ALKBH1: variants seen among roughly 807,000 people sequenced by gnomAD.
The protein encoded by ALKBH1 is alkB homolog 1, histone H2A dioxygenase.
In ALKBH1, 31 loss-of-function variants were observed where a neutral mutation model predicts 36.6. The ratio of observed to expected loss-of-function variants is 0.85; its 90% confidence interval spans 0.64 to 1.14. The LOEUF (loss-of-function observed/expected upper bound fraction) is 1.14, where lower values mean the gene tolerates loss of function less well. Ranked by LOEUF, ALKBH1 falls within the 50% of genes most tolerant of loss-of-function variation. ALKBH1 has a pLI of 0.00. For synonymous variants in ALKBH1, 183 were observed against 186.6 expected, an observed-to-expected ratio of 0.98 and a Z score of 0.16; for missense variants, 490 against 497.3, an observed-to-expected ratio of 0.99 and a Z score of 0.14.
chr14:77,683,577 C>T (rs965320732), intron 3 of ALKBH1: 10 of 483,812 alleles, frequency 2.1e-5, no homozygotes, highest in African/African-American at 1.4e-4. Flanking sequence ...CAACATCATC[C>T]TCCTTTTTTT....
intron 4 of ALKBH1, 108 bp from the exon 5 acceptor site, chr14:77,675,957 T>C: frequency 1.1e-6 from 1 of 903,130 alleles, no homozygotes; most frequent in South Asian, 1.7e-5. Context: ...AAAGTCATAT[T>C]AACATATTAA....
At chr14:77,695,823 G>A (rs2139860001) in intron 2 of ALKBH1, among the ~76,000 whole-genome samples, 1 of 152,270 alleles carries the variant, frequency 6.6e-6, no homozygotes, top group South Asian at 2.1e-4. Context: ...GGCCGGGCGT[G>A]GTGGCTCTCG....
At chr14:77,695,995 G>A (rs554324894) in intron 2 of ALKBH1, among the ~76,000 whole-genome samples, 1 of 152,190 alleles carries the variant, frequency 6.6e-6, no homozygotes, top group African/African-American at 2.4e-5. Context: ...AGGAGGCTGA[G>A]GCAGGAGAAT....
intron 4 of ALKBH1, among the ~76,000 whole-genome samples, chr14:77,679,670 A>G (rs1343994400): frequency 6.6e-6 from 1 of 152,144 alleles, no homozygotes; most frequent in Non-Finnish European, 1.5e-5. Context: ...ACCTTAAGTG[A>G]TCCGCCCACC....
chr14:77,695,924 C>A (rs551872906), intron 2 of ALKBH1, among the ~76,000 whole-genome samples: 14 of 152,162 alleles, frequency 9.2e-5, no homozygotes, highest in Admixed American at 8.5e-4. Context: ...GTGAAACCGT[C>A]TGTACTAAAA....
intron 1 of ALKBH1, among the ~76,000 whole-genome samples, chr14:77,706,936 A>AC (rs766942059): frequency 2.6e-4 from 39 of 152,358 alleles, no homozygotes; most frequent in African/African-American, 6.0e-4. Flanking sequence ...TGTGGACAAC[A>AC]CCAAGAGCAA....
chr14:77,704,398 CA>C lies in ALKBH1; in HGVS notation c.262del (p.Trp88GlyfsTer28). ...YRAGLQPVSK[W>X]QAYGLKGYPG... ...ATAGCCTTTGAGTCCATAGGCTTGC[CA>C]CTTGCTGACGGGCTGAAGACCTGCT... On this transcript the variant is annotated frameshift_variant, in exon 2 of 6. Coordinates refer to ENST00000216489, the MANE Select transcript of ALKBH1 (RefSeq NM_006020.3). LOFTEE classifies it high-confidence loss of function. 6.2e-7 allele frequency: 1 copy of C among 1,614,132 alleles called. No homozygotes were observed. The highest frequency in any genetic ancestry group is 8.5e-7 in the Non-Finnish European group (1 of 1,179,992).
At chr14:77,682,663 G>A (rs1194365678) in intron 3 of ALKBH1, among the ~76,000 whole-genome samples, 1 of 152,096 alleles carries the variant, frequency 6.6e-6, no homozygotes, top group African/African-American at 2.4e-5. Context: ...CAAAATAGAT[G>A]GCACCCTGAG....
intron 1 of ALKBH1, among the ~76,000 whole-genome samples, chr14:77,704,847 A>G (rs1384361031): frequency 1.3e-5 from 2 of 152,266 alleles, no homozygotes; most frequent in East Asian, 3.8e-4. Flanking sequence ...TCATCTATAT[A>G]GTAACAGTAG....
Position 77,694,802 on chromosome 14 carries a change from G to A in ALKBH1, c.391C>T (p.Leu131=), listed in dbSNP as rs2080318042. The part of the protein sequence containing the change: ...LYSQKPNVCN[L]DKHMSKEETQ... ...TCTTCTTTAGACATGTGTTTGTCCAGGTTACATACATTAGGTTTCTGGGAA... is the reference window on the plus strand; with the variant it reads ...TCTTCTTTAGACATGTGTTTGTCCAAGTTACATACATTAGGTTTCTGGGAA... The change falls in exon 3 of 6, where the codon CTG becomes TTG. Residue 131 remains leucine, a synonymous_variant. Transcript: ENST00000216489. 6.2e-7 allele frequency: 1 copy of A among 1,608,514 alleles called. No individual in the cohort carries two copies. The highest frequency in any genetic ancestry group is 1.1e-5 in the South Asian group (1 of 89,280).
chr14:77,699,765 T>C (rs1036968622), intron 2 of ALKBH1, among the ~76,000 whole-genome samples: 2 of 152,008 alleles, frequency 1.3e-5, no homozygotes, highest in African/African-American at 2.4e-5. Flanking sequence ...ATTATAAATA[T>C]TAGGTTCTGG....
chr14:77,707,971 C>A lies in ALKBH1; in HGVS notation c.34G>T (p.Ala12Ser), dbSNP rs1285805785. The A allele has an allele frequency of 6.2e-7, 1 of 1,612,916 alleles. No individual in the cohort carries two copies. The highest frequency in any genetic ancestry group is 1.3e-5 in the African/African-American group (1 of 75,052). The change falls in exon 1 of 6, where the codon GCG becomes TCG. Residue 12 changes from alanine (A) to serine (S), a missense_variant. By Grantham distance (99) the Ala-to-Ser change is moderately conservative (BLOSUM62 1). Coordinates refer to ENST00000216489, the MANE Select transcript of ALKBH1 (RefSeq NM_006020.3). ...GKMAAAVGSVATLATEPGEDA... is the reference protein window; with the variant it reads ...GKMAAAVGSVSTLATEPGEDA... ...TCCCCGGGCTCAGTCGCCAGAGTCG[C>A]CACAGAGCCCACGGCCGCTGCCATC...
chr14:77,692,104 C>A (rs17825422), intron 3 of ALKBH1: 1 of 152,172 alleles, frequency 6.6e-6, no homozygotes, highest in Non-Finnish European at 1.5e-5. Context: ...ATTAAGGCCA[C>A]GTAACACCAA....
In ALKBH1 at chr14:77,674,233, T is replaced by A; in HGVS notation, c.749A>T (p.Gln250Leu). 1.3e-6 allele frequency: 2 copies of A among 1,557,086 alleles called. No individual in the cohort carries two copies. Among genetic ancestry groups the A allele is most frequent in the Non-Finnish European group, 1.7e-6 (2 of 1,153,254 alleles). ...SKPLLSFSFGQSAIFLLGGLQ... is the reference protein window; with the variant it reads ...SKPLLSFSFGLSAIFLLGGLQ... ...ACCACCCAGGAGAAAGATGGCGGAC[T>A]GTCCAAAGCTACAAAAAATAAGTAA... Residue 250 changes from glutamine to leucine, a missense_variant, in exon 6 of 6, where the codon CAG becomes CTG. Physicochemically the swap from Gln to Leu is moderately radical, Grantham distance 113. Transcript: ENST00000216489.
chr14:77,676,247 C>T (rs936614530), intron 4 of ALKBH1, among the ~76,000 whole-genome samples: 2 of 151,708 alleles, frequency 1.3e-5, no homozygotes, highest in Non-Finnish European at 2.9e-5. Context: ...TCTCCCAAAG[C>T]GTTGTGATTA....
At chr14:77,690,152 T>C (rs2080289569) in intron 3 of ALKBH1, among the ~76,000 whole-genome samples, 1 of 152,140 alleles carries the variant, frequency 6.6e-6, no homozygotes, top group African/African-American at 2.4e-5. Context: ...AGGGAAGAGC[T>C]TCCTAGGTAG....
intron 3 of ALKBH1, among the ~76,000 whole-genome samples, chr14:77,686,518 TG>T (rs1356018849): frequency 1.3e-5 from 2 of 152,226 alleles, no homozygotes; most frequent in African/African-American, 2.4e-5. Context: ...GGATGATGGA[TG>T]GGTGGGTTGG....
rs879315653 is a variant in ALKBH1 at position 77,704,470 on chromosome 14, T to G, written c.191A>C (p.Lys64Thr). 9 of 1,613,684 alleles carry G rather than the reference T, an allele frequency of 5.6e-6. No individual in the cohort carries two copies. Among genetic ancestry groups the G allele is most frequent in the Non-Finnish European group, 7.6e-6 (9 of 1,179,710 alleles). ...GACAGAAGACACATTTAGCTGAGATTTGATCACCTGGCAGGAAGGAAACAG... is the reference window on the plus strand; with the variant it reads ...GACAGAAGACACATTTAGCTGAGATGTGATCACCTGGCAGGAAGGAAACAG... ...GKGPGAQKVI[K>T]SQLNVSSVSE... The change falls in exon 2 of 6, where the codon AAA (lysine) becomes ACA (threonine). Residue 64 changes from lysine (K) to threonine (T), a missense_variant. Physicochemically the swap from Lys to Thr is moderately conservative, Grantham distance 78 (BLOSUM62 -1). Coordinates refer to ENST00000216489, the MANE Select transcript of ALKBH1 (RefSeq NM_006020.3).
chr14:77,678,447 G>A (rs2139844439), intron 4 of ALKBH1, among the ~76,000 whole-genome samples: 1 of 152,078 alleles, frequency 6.6e-6, no homozygotes, highest in African/African-American at 2.4e-5. Flanking sequence ...ACTAGTTACT[G>A]TGAGGCTGAG....
Sources: gnomAD v4.1 joint callset for allele counts (sites outside exome capture counted in the v4.1 genomes callset) on GRCh38, gnomAD v4.1.1 for gene constraint, MANE v1.5 for transcripts, NCBI Gene and HGNC (gene_info 2026-07-23, HGNC 2026-07-21) for gene names.